DAW1: variants seen among roughly 807,000 people sequenced by gnomAD.
DAW1 encodes the protein dynein assembly factor with WD repeats 1.
A neutral mutation model predicts 56.5 loss-of-function variants in DAW1; 47 were observed. The observed-to-expected ratio is 0.83, with a 90% CI of 0.66 to 1.06. The LOEUF is 1.06. Ranked by LOEUF, DAW1 falls within the 50% of genes least tolerant of loss-of-function variation. The pLI is 0.00. For missense variants in DAW1, 505 were observed against 499.3 expected (o/e 1.01, Z -0.11); for synonymous variants, 190 against 179.0 (o/e 1.06, Z -0.49).
intron 2 of DAW1, among the ~76,000 whole-genome samples, chr2:227,888,503 T>G (rs1318527051): frequency 2.6e-5 from 4 of 152,032 alleles, no homozygotes; most frequent in Non-Finnish European, 5.9e-5. Flanking sequence ...GCTAGAGGAG[T>G]GCCTCACAGG....
At chr2:227,883,898 GT>G in intron 1 of DAW1, among the ~76,000 whole-genome samples, 1 of 152,096 alleles carries the variant, frequency 6.6e-6, no homozygotes, top group African/African-American at 2.4e-5. Context: ...CTCAATTTTA[GT>G]TTTTAATATG....
chr2:227,885,330 CAT>C lies in DAW1; in HGVS notation c.41-20_41-19del, dbSNP rs1327711398. ...GGTGGTTATCGTAAGTGTTTTATAA[CAT>C]GTTTGTTTATTTCTATAGGAATTAT... On this transcript the variant is annotated intron_variant, in intron 1 of 12. Transcript: ENST00000309931. 1.3e-6 allele frequency: 2 copies of C among 1,529,142 alleles called. No homozygotes were observed. The highest frequency in any genetic ancestry group is 8.9e-7 in the Non-Finnish European group (1 of 1,129,496). 94.7% of individuals were successfully genotyped at this position (1,529,142 alleles called of 1,614,324 possible).
chr2:227,913,811 C>A (rs1377565691), intron 10 of DAW1, among the ~76,000 whole-genome samples: 5 of 151,980 alleles, frequency 3.3e-5, no homozygotes, highest in Non-Finnish European at 5.9e-5. Context: ...TCTGTCATCT[C>A]CCTGATCATC....
intron 3 of DAW1, 61 bp from the exon 4 acceptor site, chr2:227,891,194 G>A: frequency 2.0e-6 from 3 of 1,484,278 alleles, no homozygotes; most frequent in East Asian, 4.5e-5. Flanking sequence ...TTGGTTTGAA[G>A]TTATAACTAA....
At chr2:227,923,473 C>A (rs2106221169) in intron 12 of DAW1, among the ~76,000 whole-genome samples, 1 of 152,238 alleles carries the variant, frequency 6.6e-6, no homozygotes, top group East Asian at 1.9e-4. Context: ...GGTGAGAAAA[C>A]CAGTAGTGCC....
chr2:227,922,285 C>T (rs1298162744), intron 12 of DAW1, among the ~76,000 whole-genome samples: 3 of 152,194 alleles, frequency 2.0e-5, no homozygotes, highest in African/African-American at 7.2e-5. Context: ...CCTGCTAAAG[C>T]ACTAATGTCT....
intron 10 of DAW1, chr2:227,912,527 C>A: frequency 7.9e-7 from 1 of 1,269,060 alleles, no homozygotes; most frequent in Non-Finnish European, 1.0e-6. Flanking sequence ...GCTGCACTGT[C>A]TAGTATGTCT....
At chr2:227,910,524 A>ACACACACACACACCCC (rs756824641) in intron 10 of DAW1, among the ~76,000 whole-genome samples, 1 of 150,084 alleles carries the variant, frequency 6.7e-6, no homozygotes, top group Non-Finnish European at 1.5e-5. Flanking sequence ...ACACACACAC[A>ACACACACACACACCCC]CCCCTCATAT....
chr2:227,888,411 G>C lies in DAW1; in HGVS notation c.114-1445G>C, dbSNP rs1250275771. On this transcript the variant is annotated intron_variant, in intron 2 of 12. Transcript: ENST00000309931. ...ATGAAGCAGAAGCAGGATCAGGCGGGAGGAGCCATCTGACCTCGATGAAGA... is the reference window on the plus strand; with the variant it reads ...ATGAAGCAGAAGCAGGATCAGGCGGCAGGAGCCATCTGACCTCGATGAAGA... 2.0e-5 allele frequency among the ~76,000 whole-genome samples: 3 copies of C among 152,352 alleles called. No homozygotes were observed. The East Asian group carries it at 5.8e-4, about 29-fold the overall frequency.
chr2:227,918,523 G>A (rs1334537268), intron 10 of DAW1, among the ~76,000 whole-genome samples: 1 of 151,860 alleles, frequency 6.6e-6, no homozygotes, highest in Non-Finnish European at 1.5e-5. Context: ...CCTGCTTCTT[G>A]GTCTCTTTTC....
At chr2:227,893,602 G>A (rs967927014) in intron 4 of DAW1, among the ~76,000 whole-genome samples, 193 bp from the exon 5 acceptor site, 1 of 151,880 alleles carries the variant, frequency 6.6e-6, no homozygotes, top group Non-Finnish European at 1.5e-5. Context: ...AACCTGTGAG[G>A]TAGAGGTTGC....
chr2:227,876,662 T>C (rs1304806285), intron 1 of DAW1, among the ~76,000 whole-genome samples: 2 of 152,254 alleles, frequency 1.3e-5, no homozygotes, highest in African/African-American at 2.4e-5. Flanking sequence ...AGGGGCATTG[T>C]CTTGCTGCTA....
At chr2:227,895,869 A>C (rs1691394105) in intron 5 of DAW1, among the ~76,000 whole-genome samples, 1 of 152,218 alleles carries the variant, frequency 6.6e-6, no homozygotes, top group African/African-American at 2.4e-5. Context: ...GAAACAAGAC[A>C]CAAGGAGGTC....
intron 1 of DAW1, among the ~76,000 whole-genome samples, chr2:227,878,029 T>G (rs1373559206): frequency 6.6e-6 from 1 of 152,268 alleles, no homozygotes; most frequent in Non-Finnish European, 1.5e-5. Flanking sequence ...CTTTTTACTT[T>G]ATTACAAACA....
intron 10 of DAW1, among the ~76,000 whole-genome samples, chr2:227,912,942 A>G (rs1173347275): frequency 6.6e-6 from 1 of 152,172 alleles, no homozygotes; most frequent in Non-Finnish European, 1.5e-5. Context: ...TTGATGCCCC[A>G]TCCTTGACAG....
chr2:227,881,447 G>A (rs952628375), intron 1 of DAW1, among the ~76,000 whole-genome samples: 3 of 152,194 alleles, frequency 2.0e-5, no homozygotes, highest in African/African-American at 7.2e-5. Flanking sequence ...GCATGGATAT[G>A]TTTCCTTCTT....
At chr2:227,901,663 G>A (rs770312760) in intron 6 of DAW1, among the ~76,000 whole-genome samples, 10 of 152,160 alleles carry the variant, frequency 6.6e-5, no homozygotes, top group African/African-American at 9.7e-5. Flanking sequence ...GAGGTTAAGC[G>A]GGATGACCGA....
Position 227,921,529 on chromosome 2 carries a change from C to T in DAW1, c.1181C>T (p.Ala394Val), listed in dbSNP as rs1553604489. 1.8e-5 allele frequency: 29 copies of T among 1,613,754 alleles called. 1 individual carries two copies. The South Asian group carries it at 3.0e-4, about 17-fold the overall frequency. The change falls in exon 12 of 13, where the codon GCT becomes GTT. Residue 394 changes from alanine (A) to valine (V), a missense_variant. Ala to Val is a moderately conservative substitution (Grantham distance 64). Coordinates refer to ENST00000309931, the MANE Select transcript of DAW1 (RefSeq NM_178821.3). ...CACACTGATGAAATCTTTTCATGTGCTTTCAACTATAAAGGCAACATAGTC... is the reference window on the plus strand; with the variant it reads ...CACACTGATGAAATCTTTTCATGTGTTTTCAACTATAAAGGCAACATAGTC... ...EGHTDEIFSC[A>V]FNYKGNIVIT...
At chr2:227,919,988 T>C (rs1437662981) in intron 11 of DAW1, among the ~76,000 whole-genome samples, 1 of 152,184 alleles carries the variant, frequency 6.6e-6, no homozygotes, top group African/African-American at 2.4e-5. Context: ...ATGCAGACTA[T>C]GGCCTCTTCA....
Sources: gnomAD v4.1 joint callset for allele counts (sites outside exome capture counted in the v4.1 genomes callset) on GRCh38, gnomAD v4.1.1 for gene constraint, MANE v1.5 for transcripts, NCBI Gene and HGNC (gene_info 2026-07-23, HGNC 2026-07-21) for gene names.